ZNF407: variants seen among roughly 807,000 people sequenced by gnomAD.
ZNF407 encodes the protein zinc finger protein 407.
In ZNF407, 17 loss-of-function variants were observed where a neutral mutation model predicts 131.2. That is an observed-to-expected ratio of 0.13 (90% CI 0.09 to 0.19). The LOEUF is 0.19. Among genes scored for constraint, ZNF407 ranks in the 10% least tolerant of loss-of-function variants. The pLI, the probability that ZNF407 is intolerant of heterozygous loss-of-function variation, is 1.00. For synonymous variants in ZNF407, 1,156 were observed against 1,062.0 expected (o/e 1.09, Z -1.72); for missense variants, 2,681 against 2,830.6 (o/e 0.95, Z 1.20).
intron 4 of ZNF407, among the ~76,000 whole-genome samples, chr18:74,845,469 C>T (rs1029022711): frequency 4.6e-5 from 7 of 152,116 alleles, no homozygotes; most frequent in South Asian, 2.1e-4. Flanking sequence ...TTATTGATAT[C>T]GCAAGCCATT....
intron 4 of ZNF407, among the ~76,000 whole-genome samples, chr18:74,828,589 GT>G (rs1970440633): frequency 6.6e-6 from 1 of 152,188 alleles, no homozygotes; most frequent in Non-Finnish European, 1.5e-5. Context: ...GCATTCATTT[GT>G]TTTTAGCACT....
Position 75,064,149 on chromosome 18 carries a change from C to T in ZNF407, c.6428C>T (p.Ser2143Leu). ...MDLVESDGEI[S>L]QIIVTEELVQ... ...CTGGTGGAGTCCGACGGGGAGATCT[C>T]GCAGATCATCGTGACGGAGGAGCTG... Residue 2143 changes from serine to leucine, a missense_variant, in exon 9 of 9, where the codon TCG becomes TTG. This residue lies in a region of ZNF407 where 620 missense variants were observed against 583.1 expected (regional missense o/e 1.06). Transcript: ENST00000299687. 1.2e-6 allele frequency: 2 copies of T among 1,603,364 alleles called. No homozygotes were observed. The highest frequency in any genetic ancestry group is 1.1e-5 in the South Asian group (1 of 88,924).
Position 74,982,030 on chromosome 18 carries a change from A to C in ZNF407, c.5428+61338A>C, listed in dbSNP as rs1263319649. Among the ~76,000 whole-genome samples, 5 of 152,228 alleles carry C rather than the reference A, an allele frequency of 3.3e-5. No homozygotes were observed. The East Asian group carries it at 9.6e-4, about 29-fold the overall frequency. On this transcript the variant is annotated intron_variant, in intron 8 of 8. Transcript: ENST00000299687. ...GAGTGCTTATGATGGGCTTCTTCAC[A>C]AGATTTATCTAAGAGAAAGGTGAGT...
At chr18:74,807,895 A>G (rs1385497391) in intron 4 of ZNF407, among the ~76,000 whole-genome samples, 1 of 152,190 alleles carries the variant, frequency 6.6e-6, no homozygotes, top group Non-Finnish European at 1.5e-5. Flanking sequence ...TATTTTTAAA[A>G]AATAAAAGAT....
chr18:74,673,267 T>C (rs562274160), intron 3 of ZNF407, among the ~76,000 whole-genome samples: 3 of 152,198 alleles, frequency 2.0e-5, no homozygotes, highest in Non-Finnish European at 4.4e-5. Context: ...GACAGAATTC[T>C]GAAGTCAGTT....
chr18:74,990,781 G>C lies in ZNF407; in HGVS notation c.5428+70089G>C, dbSNP rs1369640785. Among the ~76,000 whole-genome samples the C allele has an allele frequency of 2.6e-5, 4 of 152,214 alleles. No individual in the cohort carries two copies. The East Asian group carries it at 7.7e-4, about 29-fold the overall frequency. ...CCTCTGATGTATATGGGTGGGATTT[G>C]TGCACCATACAGCTTTGCGAAATGT... On this transcript the variant is annotated intron_variant, in intron 8 of 8. Transcript: ENST00000299687.
At chr18:74,623,725 A>G (rs1339963368) in intron 1 of ZNF407, among the ~76,000 whole-genome samples, 2 of 152,142 alleles carry the variant, frequency 1.3e-5, no homozygotes, top group Non-Finnish European at 2.9e-5. Flanking sequence ...TTTCTTTTAA[A>G]TCATAGGCAG....
At chr18:74,885,340 C>G (rs1408870652) in intron 6 of ZNF407, among the ~76,000 whole-genome samples, 1 of 152,108 alleles carries the variant, frequency 6.6e-6, no homozygotes, top group East Asian at 1.9e-4. Flanking sequence ...CAGAACACTG[C>G]TGAGAGAAAT....
intron 8 of ZNF407, among the ~76,000 whole-genome samples, chr18:75,014,597 TCTTAA>T (rs1405931254): frequency 2.0e-5 from 3 of 152,074 alleles, no homozygotes; most frequent in African/African-American, 7.2e-5. Context: ...GTGGTCAGAT[TCTTAA>T]CTTTTTTTCT....
At chr18:74,640,634 G>A (rs193274375) in intron 2 of ZNF407, among the ~76,000 whole-genome samples, 36 of 152,256 alleles carry the variant, frequency 2.4e-4, no homozygotes, top group Admixed American at 1.8e-3. Context: ...GCTGCCCTGA[G>A]TGCATTTATG....
intron 3 of ZNF407, among the ~76,000 whole-genome samples, chr18:74,680,577 A>G (rs1305313051): frequency 6.6e-6 from 1 of 152,164 alleles, no homozygotes; most frequent in Non-Finnish European, 1.5e-5. Flanking sequence ...CATCAAATAC[A>G]ACTCCCGCCC....
chr18:74,966,870 T>G (rs1216078368), intron 8 of ZNF407, among the ~76,000 whole-genome samples: 1 of 152,220 alleles, frequency 6.6e-6, no homozygotes, highest in Non-Finnish European at 1.5e-5. Flanking sequence ...ATAGAGATCT[T>G]TTACTTCTTT....
At chr18:74,643,516 T>C (rs907118908) in intron 3 of ZNF407, among the ~76,000 whole-genome samples, 1 of 152,022 alleles carries the variant, frequency 6.6e-6, no homozygotes, top group African/African-American at 2.4e-5. Flanking sequence ...TAAGGAGTTA[T>C]TTCTCAAATA....
chr18:74,686,862 T>C (rs1010304043), intron 3 of ZNF407, among the ~76,000 whole-genome samples: 4 of 152,210 alleles, frequency 2.6e-5, no homozygotes, highest in Admixed American at 6.5e-5. Context: ...AAACAATAAT[T>C]TATATATACA....
chr18:74,949,322 T>G (rs1010801869), intron 8 of ZNF407, among the ~76,000 whole-genome samples: 2 of 152,210 alleles, frequency 1.3e-5, no homozygotes, highest in South Asian at 4.1e-4. Flanking sequence ...GGGGAATCAC[T>G]TAACCTCACT....
chr18:75,059,534 C>T lies in ZNF407; in HGVS notation c.5429-3616C>T, dbSNP rs118146774. Reference sequence around the variant, plus strand: ...AATGACATTAAAATTAGAGAACGGACAGAAACAAATCAAGGTTGACATGTG... The same window carrying T: ...AATGACATTAAAATTAGAGAACGGATAGAAACAAATCAAGGTTGACATGTG... On this transcript the variant is annotated intron_variant, in intron 8 of 8. Coordinates refer to ENST00000299687, the MANE Select transcript of ZNF407 (RefSeq NM_017757.3). 3.0e-3 allele frequency among the ~76,000 whole-genome samples: 455 copies of T among 152,178 alleles called. 3 individuals carry two copies. The highest frequency in any genetic ancestry group is 4.8e-3 in the Non-Finnish European group (327 of 68,024).
chr18:75,059,449 C>A (rs1973598982), intron 8 of ZNF407, among the ~76,000 whole-genome samples: 1 of 152,164 alleles, frequency 6.6e-6, no homozygotes, highest in South Asian at 2.1e-4. Context: ...GACCAGAAGG[C>A]TGCCTTCTTT....
chr18:74,762,700 C>CT lies in ZNF407; in HGVS notation c.4803-18717dup, dbSNP rs1162903452. ...ATAGTTTGGAATTTTTCTTGTCAGTCTTTTTTTTTTTAAAATCATCATAGC... is the reference window on the plus strand; with the variant it reads ...ATAGTTTGGAATTTTTCTTGTCAGTCTTTTTTTTTTTTAAAATCATCATAGC... On this transcript the variant is annotated intron_variant, in intron 3 of 8. Coordinates refer to ENST00000299687, the MANE Select transcript of ZNF407 (RefSeq NM_017757.3). Among the ~76,000 whole-genome samples the CT allele has an allele frequency of 5.2e-3, 756 of 146,192 alleles. 8 individuals carry two copies. The highest frequency in any genetic ancestry group is 0.028 in the Admixed American group (404 of 14,646).
intron 3 of ZNF407, among the ~76,000 whole-genome samples, chr18:74,742,572 T>C (rs1968574642): frequency 6.6e-6 from 1 of 152,228 alleles, no homozygotes; most frequent in Non-Finnish European, 1.5e-5. Context: ...TTAAAGTTTT[T>C]TATGTAAAGT....
Sources: gnomAD v4.1 joint callset for allele counts (sites outside exome capture counted in the v4.1 genomes callset) on GRCh38, gnomAD v4.1.1 for gene constraint, gnomAD v4.1.1 regional missense constraint, MANE v1.5 for transcripts, NCBI Gene and HGNC (gene_info 2026-07-23, HGNC 2026-07-21) for gene names.